DOCK3: variants seen among roughly 807,000 people sequenced by gnomAD.
DOCK3 encodes dedicator of cytokinesis 3.
In DOCK3, 60 loss-of-function variants were observed where a neutral mutation model predicts 265.6. The observed-to-expected ratio is 0.23, with a 90% confidence interval of 0.18 to 0.28. The LOEUF is 0.28. Ranked by LOEUF, DOCK3 falls within the 10% of genes least tolerant of loss-of-function variation. The pLI, the probability that DOCK3 is intolerant of heterozygous loss-of-function variation, is 1.00. For missense variants in DOCK3, 1,981 were observed against 2,594.3 expected (o/e 0.76, Z 5.14); for synonymous variants, 881 against 938.0 (o/e 0.94, Z 1.11).
intron 5 of DOCK3, among the ~76,000 whole-genome samples, chr3:50,983,967 G>A (rs2077798646): frequency 6.6e-6 from 1 of 152,136 alleles, no homozygotes; most frequent in South Asian, 2.1e-4. Context: ...GCCAGCTTTG[G>A]AAGCTGCTTG....
intron 12 of DOCK3, among the ~76,000 whole-genome samples, chr3:51,177,972 A>G (rs2107692852): frequency 6.6e-6 from 1 of 151,666 alleles, no homozygotes; most frequent in East Asian, 1.9e-4. Flanking sequence ...CCTGAATGAC[A>G]GAGAGAGACT....
At chr3:50,848,764 G>T (rs997768204) in intron 3 of DOCK3, among the ~76,000 whole-genome samples, 3 of 152,062 alleles carry the variant, frequency 2.0e-5, no homozygotes, top group African/African-American at 7.2e-5. Flanking sequence ...TGGACTATAT[G>T]CCTTGGTAAT....
At chr3:50,832,812 A>G (rs1460630356) in intron 2 of DOCK3, among the ~76,000 whole-genome samples, 1 of 152,130 alleles carries the variant, frequency 6.6e-6, no homozygotes, top group East Asian at 1.9e-4. Flanking sequence ...CTGCCTAACT[A>G]TCAGGGTCTC....
At chr3:51,301,877 C>T (rs1405963425) in intron 27 of DOCK3, among the ~76,000 whole-genome samples, 1 of 152,002 alleles carries the variant, frequency 6.6e-6, no homozygotes, top group Non-Finnish European at 1.5e-5. Flanking sequence ...AGAGTAAGTG[C>T]CATGTGGTGC....
At chr3:50,990,541 T>C (rs902427468) in intron 5 of DOCK3, among the ~76,000 whole-genome samples, 2 of 152,196 alleles carry the variant, frequency 1.3e-5, no homozygotes, top group Non-Finnish European at 2.9e-5. Context: ...CAACTAAGAA[T>C]TTTATATCTA....
Position 51,228,777 on chromosome 3 carries a change from CAA to C in DOCK3, c.1766_1767del (p.Lys589ArgfsTer50). ...CTAGCCTCATCTTCCAGCGCAGCAC[CAA>C]AGAGTCTTTCTTCATCTCCACTCAG... ...PSSLIFQRST[K>X]ESFFISTQLS... On this transcript the variant is annotated frameshift_variant, in exon 18 of 53. Coordinates refer to ENST00000266037, the MANE Select transcript of DOCK3 (RefSeq NM_004947.5). LOFTEE classifies it high-confidence loss of function. 1 of 1,613,996 alleles carries C rather than the reference CAA, an allele frequency of 6.2e-7. No individual in the cohort carries two copies. Among genetic ancestry groups the C allele is most frequent in the Non-Finnish European group, 8.5e-7 (1 of 1,179,888 alleles).
At chr3:51,048,317 A>G (rs186607488) in intron 5 of DOCK3, among the ~76,000 whole-genome samples, 26 of 152,328 alleles carry the variant, frequency 1.7e-4, no homozygotes, top group African/African-American at 5.5e-4. Flanking sequence ...TTCTAAGATT[A>G]GGAATAAGAT....
At chr3:51,021,244 G>T (rs2079576474) in intron 5 of DOCK3, among the ~76,000 whole-genome samples, 1 of 151,790 alleles carries the variant, frequency 6.6e-6, no homozygotes. Flanking sequence ...AACTCCAGTA[G>T]GCTACTCCAT....
At chr3:51,254,909 T>G (rs2079463651) in intron 22 of DOCK3, among the ~76,000 whole-genome samples, 1 of 152,340 alleles carries the variant, frequency 6.6e-6, no homozygotes, top group East Asian at 1.9e-4. Context: ...ATCCTGTCAT[T>G]ATGATGTTAG....
chr3:50,761,326 C>T lies in DOCK3; in HGVS notation c.38-17349C>T, dbSNP rs140923408. On this transcript the variant is annotated intron_variant, in intron 1 of 52. Coordinates refer to ENST00000266037, the MANE Select transcript of DOCK3 (RefSeq NM_004947.5). ...TTCTCATTGAGATTCCACCTGTGTC[C>T]AGTAGAAGGAAAACTTAGCTGAAAG... 3.4e-4 allele frequency among the ~76,000 whole-genome samples: 51 copies of T among 152,114 alleles called. No homozygotes were observed. In the East Asian group the frequency reaches 9.7e-3, roughly 29 times the overall value.
At chr3:51,363,707 G>T (rs2086909362) in intron 49 of DOCK3, among the ~76,000 whole-genome samples, 1 of 152,108 alleles carries the variant, frequency 6.6e-6, no homozygotes, top group Non-Finnish European at 1.5e-5. Context: ...TCATTGTTCA[G>T]TTCTCACCTA....
chr3:51,177,779 T>A (rs1040776803), intron 12 of DOCK3, among the ~76,000 whole-genome samples: 1 of 151,928 alleles, frequency 6.6e-6, no homozygotes, highest in African/African-American at 2.4e-5. Flanking sequence ...TGATCTGAGG[T>A]CAGGAGTTCC....
chr3:51,164,492 G>A (rs2086286976), intron 12 of DOCK3, among the ~76,000 whole-genome samples: 1 of 151,978 alleles, frequency 6.6e-6, no homozygotes, highest in African/African-American at 2.4e-5. Flanking sequence ...CCATGATGGT[G>A]GGCACCTGTA....
At chr3:51,018,790 T>C (rs2079465307) in intron 5 of DOCK3, among the ~76,000 whole-genome samples, 1 of 139,192 alleles carries the variant, frequency 7.2e-6, no homozygotes, top group Admixed American at 6.8e-5. Flanking sequence ...ACTTTTAGAT[T>C]ATGAATGCTC....
At chr3:50,979,075 C>G (rs1216581130) in intron 5 of DOCK3, among the ~76,000 whole-genome samples, 1 of 152,164 alleles carries the variant, frequency 6.6e-6, no homozygotes, top group Admixed American at 6.5e-5. Context: ...AACCCGGTAC[C>G]TCAGATGGAA....
chr3:50,680,403 G>A (rs139500617), intron 1 of DOCK3, among the ~76,000 whole-genome samples: 4 of 151,028 alleles, frequency 2.6e-5, no homozygotes, highest in Non-Finnish European at 5.9e-5. Flanking sequence ...TAGTAGAGAC[G>A]GGGTTTCACC....
chr3:50,981,597 ATATT>A (rs2077690366), intron 5 of DOCK3, among the ~76,000 whole-genome samples: 1 of 152,182 alleles, frequency 6.6e-6, no homozygotes, highest in Admixed American at 6.5e-5. Flanking sequence ...AGATCTAATA[ATATT>A]TGCTTTATAC....
At chr3:51,308,634 A>G (rs1196118172) in intron 27 of DOCK3, among the ~76,000 whole-genome samples, 1 of 152,266 alleles carries the variant, frequency 6.6e-6, no homozygotes, top group East Asian at 1.9e-4. Flanking sequence ...ACACAGACAC[A>G]GCAACCATCC....
intron 1 of DOCK3, among the ~76,000 whole-genome samples, chr3:50,766,693 G>A (rs1407039342): frequency 1.3e-5 from 2 of 152,136 alleles, no homozygotes; most frequent in African/African-American, 2.4e-5. Context: ...TTGAGGAATT[G>A]CCACACTATC....
Sources: gnomAD v4.1 joint callset for allele counts (sites outside exome capture counted in the v4.1 genomes callset) on GRCh38, gnomAD v4.1.1 for gene constraint, MANE v1.5 for transcripts, NCBI Gene and HGNC (gene_info 2026-07-23, HGNC 2026-07-21) for gene names.